The following GABRB1 variants were observed in gnomAD, a reference collection of about 807,000 sequenced individuals.
GABRB1 encodes gamma-aminobutyric acid receptor subunit beta-1.
A neutral mutation model predicts 51.6 loss-of-function variants in GABRB1; 17 were observed. That is an observed-to-expected ratio of 0.33 (90% CI 0.23 to 0.49). The LOEUF (loss-of-function observed/expected upper bound fraction) is 0.49. Ranked by LOEUF, GABRB1 falls within the 20% of genes least tolerant of loss-of-function variation. The pLI, the probability that GABRB1 is intolerant of heterozygous loss-of-function variation, is 0.99. For synonymous variants in GABRB1, 247 were observed against 218.9 expected, an observed-to-expected ratio of 1.13 and a Z score of -1.14; for missense variants, 410 against 600.6, an observed-to-expected ratio of 0.68 and a Z score of 3.32.
intron 4 of GABRB1, among the ~76,000 whole-genome samples, chr4:47,274,091 C>A (rs1398121238): frequency 6.6e-6 from 1 of 152,094 alleles, no homozygotes; most frequent in Non-Finnish European, 1.5e-5. Context: ...TACTATTTGG[C>A]CCTCTTCTTC....
At chr4:47,256,806 G>C (rs1722219973) in intron 4 of GABRB1, among the ~76,000 whole-genome samples, 1 of 152,104 alleles carries the variant, frequency 6.6e-6, no homozygotes. Flanking sequence ...CCTCCCACCA[G>C]ACCCCTCCTC....
At chr4:47,159,603 T>C (rs575481999) in intron 3 of GABRB1, among the ~76,000 whole-genome samples, 1 of 152,186 alleles carries the variant, frequency 6.6e-6, no homozygotes, top group South Asian at 2.1e-4. Context: ...AATATCCTTT[T>C]GCTATTAAAC....
At chr4:47,097,937 A>G (rs1009098677) in intron 3 of GABRB1, among the ~76,000 whole-genome samples, 4 of 152,288 alleles carry the variant, frequency 2.6e-5, no homozygotes, top group Admixed American at 6.5e-5. Flanking sequence ...GAAACTTAGC[A>G]TCAGTTTACA....
At chr4:47,103,894 C>T (rs1327957773) in intron 3 of GABRB1, among the ~76,000 whole-genome samples, 2 of 151,618 alleles carry the variant, frequency 1.3e-5, no homozygotes, top group East Asian at 3.9e-4. Context: ...TTTTCTAACA[C>T]TTGATATCAG....
At chr4:47,250,865 G>A (rs1721960594) in intron 4 of GABRB1, among the ~76,000 whole-genome samples, 1 of 152,102 alleles carries the variant, frequency 6.6e-6, no homozygotes, top group African/African-American at 2.4e-5. Context: ...ATCATTTTGT[G>A]TATTTCCCCT....
intron 3 of GABRB1, among the ~76,000 whole-genome samples, chr4:47,144,266 C>A (rs1717059227): frequency 6.6e-6 from 1 of 151,944 alleles, no homozygotes; most frequent in Admixed American, 6.6e-5. Flanking sequence ...TAATAAATTA[C>A]CACAAAGTGT....
intron 4 of GABRB1, among the ~76,000 whole-genome samples, chr4:47,232,870 A>T (rs574196053): frequency 1.4e-5 from 2 of 146,612 alleles, no homozygotes; most frequent in East Asian, 2.0e-4. Context: ...CCAGATTATG[A>T]TCATCATTTT....
At chr4:47,245,192 C>T (rs1721695625) in intron 4 of GABRB1, among the ~76,000 whole-genome samples, 1 of 152,170 alleles carries the variant, frequency 6.6e-6, no homozygotes, top group South Asian at 2.1e-4. Flanking sequence ...GAAATACAAA[C>T]TACCATCAGA....
At chr4:47,083,559 G>A (rs1459210023) in intron 3 of GABRB1, among the ~76,000 whole-genome samples, 1 of 152,100 alleles carries the variant, frequency 6.6e-6, no homozygotes, top group Non-Finnish European at 1.5e-5. Flanking sequence ...AAGACCAGGG[G>A]TTAGAGACTT....
intron 5 of GABRB1, among the ~76,000 whole-genome samples, chr4:47,371,035 C>T (rs1281706917): frequency 6.6e-6 from 1 of 151,966 alleles, no homozygotes; most frequent in Non-Finnish European, 1.5e-5. Context: ...CAACCCATGA[C>T]CCAGGTAGTA....
chr4:47,001,357 T>G (rs539606535), intron 1 of GABRB1, among the ~76,000 whole-genome samples: 1 of 152,086 alleles, frequency 6.6e-6, no homozygotes, highest in Non-Finnish European at 1.5e-5. Context: ...TTAGCCAGGA[T>G]GGTCTGAATC....
intron 5 of GABRB1, among the ~76,000 whole-genome samples, chr4:47,361,200 A>G (rs17461821): frequency 0.092 from 13,945 of 152,124 alleles, 773 homozygotes; most frequent in Non-Finnish European, 0.12. Flanking sequence ...ACAACTAAAA[A>G]AGGAGGTCAA....
chr4:47,062,102 A>T (rs1370149815), intron 3 of GABRB1, among the ~76,000 whole-genome samples: 1 of 152,148 alleles, frequency 6.6e-6, no homozygotes, highest in Non-Finnish European at 1.5e-5. Flanking sequence ...TGGCGAGCCC[A>T]CTTACAATCT....
intron 3 of GABRB1, among the ~76,000 whole-genome samples, chr4:47,158,126 C>T (rs972582600): frequency 1.3e-5 from 2 of 152,078 alleles, no homozygotes; most frequent in Non-Finnish European, 2.9e-5. Flanking sequence ...AAAGTCTATA[C>T]CCATACACGC....
intron 3 of GABRB1, among the ~76,000 whole-genome samples, chr4:47,115,379 G>T (rs527762712): frequency 7.9e-5 from 12 of 151,590 alleles, no homozygotes; most frequent in African/African-American, 2.9e-4. Context: ...ATTCTATCTT[G>T]TACCACTGTC....
At chr4:47,396,914 T>A (rs1287774030) in intron 5 of GABRB1, among the ~76,000 whole-genome samples, 3 of 152,224 alleles carry the variant, frequency 2.0e-5, no homozygotes, top group Non-Finnish European at 4.4e-5. Flanking sequence ...TGAGTTTCTC[T>A]GATTATAATT....
At chr4:47,001,060 G>T (rs185040914) in intron 1 of GABRB1, among the ~76,000 whole-genome samples, 2 of 152,136 alleles carry the variant, frequency 1.3e-5, no homozygotes, top group Non-Finnish European at 2.9e-5. Flanking sequence ...ATGGTGTGAT[G>T]GTTAACTTTG....
intron 4 of GABRB1, among the ~76,000 whole-genome samples, chr4:47,258,162 G>A (rs1425540039): frequency 1.3e-5 from 2 of 152,054 alleles, no homozygotes; most frequent in Admixed American, 1.3e-4. Context: ...TTATTATAGA[G>A]TGTCATATAT....
intron 4 of GABRB1, among the ~76,000 whole-genome samples, chr4:47,296,055 T>G (rs1425520411): frequency 6.6e-6 from 1 of 151,974 alleles, no homozygotes; most frequent in Non-Finnish European, 1.5e-5. Flanking sequence ...GACAAGCAAA[T>G]GCTGAGAGAT....
Sources: allele counts gnomAD v4.1 joint callset (sites outside exome capture counted in the v4.1 genomes callset), GRCh38; gene constraint gnomAD v4.1.1; transcripts MANE v1.5; gene names NCBI Gene and HGNC (gene_info 2026-07-23, HGNC 2026-07-21).